PTPRF: variants seen among roughly 807,000 people sequenced by gnomAD.
The protein encoded by PTPRF is protein tyrosine phosphatase receptor type F, also known as receptor-type tyrosine-protein phosphatase F.
PTPRF carries 59 observed loss-of-function variants against 201.8 expected under a neutral mutation model. That is an observed-to-expected ratio of 0.29 (90% CI 0.24 to 0.36). The LOEUF (loss-of-function observed/expected upper bound fraction) is 0.36, where lower values mean the gene tolerates loss of function less well. PTPRF is among the 10% of genes least tolerant of loss of function. PTPRF has a pLI of 1.00. For missense variants in PTPRF, 2,132 were observed against 2,690.5 expected (o/e 0.79, Z 4.59); for synonymous variants, 1,088 against 1,089.7 (o/e 1.00, Z 0.03).
intron 2 of PTPRF, among the ~76,000 whole-genome samples, chr1:43,539,817 TG>T (rs1644252255): frequency 1.3e-5 from 2 of 152,138 alleles, no homozygotes; most frequent in Admixed American, 6.5e-5. Context: ...ATGGCATGTC[TG>T]GTGGGGTGCA....
intron 2 of PTPRF, 24 bp from the exon 3 acceptor site, chr1:43,545,007 G>A: frequency 7.2e-7 from 1 of 1,380,522 alleles, no homozygotes; most frequent in Non-Finnish European, 9.9e-7. Flanking sequence ...CAGCTAACTG[G>A]CTCTGCCCTT....
In PTPRF at chr1:43,577,646, AG is replaced by A. The variant is rs1041092605; in HGVS notation, c.569-1157del. Among the ~76,000 whole-genome samples, 7 of 152,064 alleles carry A rather than the reference AG, an allele frequency of 4.6e-5. No individual in the cohort carries two copies. In the South Asian group the frequency reaches 6.2e-4, roughly 14 times the overall value. ...CCTCTGGCTCCTGTCCAGTCCAGGC[AG>A]GGGGGGCCCGGCAGCTTCTGTCCAT... is the stretch of plus-strand genomic sequence containing the variant. On this transcript the variant is annotated intron_variant, in intron 6 of 33. Transcript: ENST00000359947.
chr1:43,609,164 G>T (rs931022495), intron 21 of PTPRF, among the ~76,000 whole-genome samples: 1 of 152,020 alleles, frequency 6.6e-6, no homozygotes, highest in Non-Finnish European at 1.5e-5. Context: ...CTCTGCTCAC[G>T]CCACACTCCT....
chr1:43,564,130 A>C (rs976138292), intron 5 of PTPRF, among the ~76,000 whole-genome samples: 3 of 152,114 alleles, frequency 2.0e-5, no homozygotes, highest in Admixed American at 6.5e-5. Flanking sequence ...AACAGCTGAA[A>C]ATCGAGACTC....
At chr1:43,529,338 G>A (rs1643258472), upstream of PTPRF, among the ~76,000 whole-genome samples, 1 of 152,156 alleles carries the variant, frequency 6.6e-6, no homozygotes, top group Admixed American at 6.5e-5. Flanking sequence ...TCAAGTTCAG[G>A]ACAAAAACAG....
chr1:43,588,993 A>G lies in PTPRF; in HGVS notation c.942A>G (p.Thr314=). 6.5e-7 allele frequency: 1 copy of G among 1,548,844 alleles called. No homozygotes were observed. The highest frequency in any genetic ancestry group is 8.8e-7 in the Non-Finnish European group (1 of 1,141,656). ...LGMIEATAQV[T]VKALPKPPID... ...TGATCGAGGCCACAGCCCAGGTCAC[A>G]GTGAAAGGTGAGTGTGGCAGGTGCT... Residue 314 remains threonine, a synonymous_variant, in exon 8 of 34, where the codon ACA becomes ACG. Transcript: ENST00000359947. The surrounding 1 kb of genome is among the most constrained non-coding windows in gnomAD (Gnocchi z 5.3).
At chr1:43,571,276 C>T (rs1646550537) in intron 6 of PTPRF, among the ~76,000 whole-genome samples, 1 of 152,152 alleles carries the variant, frequency 6.6e-6, no homozygotes, top group Non-Finnish European at 1.5e-5. Context: ...CTTCCTAGTG[C>T]CCCTTCCCTG....
chr1:43,578,975 C>G, intron 7 of PTPRF, 55 bp downstream of exon 7: 3 of 1,540,598 alleles, frequency 1.9e-6, no homozygotes, highest in Non-Finnish European at 2.7e-6. Flanking sequence ...GCTGCACCTG[C>G]CGGGCTCTCT....
chr1:43,594,496 ACT>A (rs915307958), intron 11 of PTPRF, among the ~76,000 whole-genome samples: 21 of 151,912 alleles, frequency 1.4e-4, no homozygotes, highest in African/African-American at 5.1e-4. Context: ...AGGAGAGCTG[ACT>A]CTGGCTGCTC....
upstream of PTPRF, chr1:43,530,793 G>C (rs1643365343): frequency 6.5e-6 from 1 of 152,680 alleles, no homozygotes; most frequent in Non-Finnish European, 1.5e-5. This position sits in a 1 kb window ranked among gnomAD's most constrained non-coding sequence, Gnocchi z 4.1. Flanking sequence ...AGTGCACGAG[G>C]GGAGGGGCGC....
chr1:43,556,143 A>G (rs912478371), intron 5 of PTPRF, among the ~76,000 whole-genome samples: 7 of 152,360 alleles, frequency 4.6e-5, no homozygotes, highest in Non-Finnish European at 1.0e-4. Flanking sequence ...TTCTTTGATT[A>G]CAAGAACAGC....
chr1:43,589,869 A>C (rs1025463562), intron 8 of PTPRF, among the ~76,000 whole-genome samples: 13 of 142,078 alleles, frequency 9.1e-5, no homozygotes, highest in Non-Finnish European at 1.8e-4. Context: ...GACCCTATGA[A>C]AAAAAAAAAA....
At position 43,603,841 on chromosome 1, in the gene PTPRF, C is replaced by T. The variant is rs374013593; in HGVS notation, c.2689C>T (p.Arg897Trp). 15 of 1,614,006 alleles carry T rather than the reference C, an allele frequency of 9.3e-6. No homozygotes were observed. Among genetic ancestry groups the T allele is most frequent in the African/African-American group, 5.3e-5 (4 of 74,940 alleles). The change falls in exon 16 of 34, where the codon CGG (arginine) becomes TGG (tryptophan). Residue 897 changes from arginine (R) to tryptophan (W), a missense_variant. Arg to Trp is a moderately radical substitution (Grantham distance 101, BLOSUM62 -3). Transcript: ENST00000359947. This position sits in a 1 kb window ranked among gnomAD's most constrained non-coding sequence, Gnocchi z 5.8. Reference sequence around the variant, plus strand: ...CATCTTCCGGCTTGCTGCCAAGAACCGGGCTGGCTTGGGTGAGGAGTTCGA... The same window carrying T: ...CATCTTCCGGCTTGCTGCCAAGAACTGGGCTGGCTTGGGTGAGGAGTTCGA... ...TYIFRLAAKN[R>W]AGLGEEFEKE...
intron 5 of PTPRF, among the ~76,000 whole-genome samples, chr1:43,568,002 TTGG>T (rs1646298948): frequency 6.6e-6 from 1 of 151,828 alleles, no homozygotes; most frequent in Non-Finnish European, 1.5e-5. Flanking sequence ...GCCTTGAAAA[TTGG>T]TGGTTTGGGA....
rs140734296 is a variant in PTPRF at position 43,554,628 on chromosome 1, G to C, written c.379+687G>C. ...GGCAGAGGGGGAGCTAGAGAGCACAGGAAGAAGGAGAAAGCAATTCAGCAT... is the reference window on the plus strand; with the variant it reads ...GGCAGAGGGGGAGCTAGAGAGCACACGAAGAAGGAGAAAGCAATTCAGCAT... On this transcript the variant is annotated intron_variant, in intron 5 of 33. Transcript: ENST00000359947. This position sits in a 1 kb window ranked among gnomAD's most constrained non-coding sequence, Gnocchi z 4.1. Among the ~76,000 whole-genome samples the C allele has an allele frequency of 2.0e-5, 3 of 152,170 alleles. No individual in the cohort carries two copies. Among genetic ancestry groups the C allele is most frequent in the African/African-American group, 7.2e-5 (3 of 41,500 alleles).
intron 5 of PTPRF, among the ~76,000 whole-genome samples, chr1:43,563,974 C>G (rs774928940): frequency 3.9e-5 from 6 of 152,044 alleles, no homozygotes; most frequent in Non-Finnish European, 8.8e-5. Context: ...CAGGGAAACC[C>G]GAGGAAGGAG....
At chr1:43,523,159 G>C (rs950946079), upstream of PTPRF, among the ~76,000 whole-genome samples, 1 of 152,190 alleles carries the variant, frequency 6.6e-6, no homozygotes, top group African/African-American at 2.4e-5. Context: ...CAGAGAACTC[G>C]AGAAAGGAAT....
At chr1:43,583,068 C>T (rs1648152057) in intron 7 of PTPRF, 1 of 985,422 alleles carries the variant, frequency 1.0e-6, no homozygotes, top group South Asian at 4.7e-5. Context: ...TCAACCCAAA[C>T]TCTCATCTCT....
At chr1:43,579,597 C>T in intron 7 of PTPRF, 1 of 281,502 alleles carries the variant, frequency 3.6e-6, no homozygotes, top group South Asian at 3.8e-5. Flanking sequence ...AACCTGGGGA[C>T]TGTTTTGGGG....
Sources: allele counts gnomAD v4.1 joint callset (sites outside exome capture counted in the v4.1 genomes callset), GRCh38; gene constraint gnomAD v4.1.1; non-coding constraint Gnocchi (gnomAD v3.1); transcripts MANE v1.5; gene names NCBI Gene and HGNC (gene_info 2026-07-23, HGNC 2026-07-21).